The following MDN1 variants were observed in gnomAD, a reference collection of about 807,000 sequenced individuals.
MDN1 encodes the protein midasin AAA ATPase 1, also known as midasin.
A neutral mutation model predicts 669.2 loss-of-function variants in MDN1; 266 were observed. The ratio of observed to expected loss-of-function variants is 0.40; its 90% CI spans 0.36 to 0.44. The LOEUF is 0.44. Among genes scored for constraint, MDN1 ranks in the 20% least tolerant of loss-of-function variants. The pLI is 1.00. For synonymous variants in MDN1, 2,385 were observed against 2,457.1 expected, an observed-to-expected ratio of 0.97 and a Z score of 0.87; for missense variants, 5,940 against 6,754.0, an observed-to-expected ratio of 0.88 and a Z score of 4.22.
intron 63 of MDN1, among the ~76,000 whole-genome samples, chr6:89,691,560 C>T (rs1019878737): frequency 6.0e-5 from 9 of 150,578 alleles, no homozygotes; most frequent in Non-Finnish European, 1.0e-4. Context: ...GTTTTTTTGG[C>T]AAAACAGTAA....
rs756061151 is a variant in MDN1 at position 89,643,861 on chromosome 6, G to C, written c.*144C>G. 12 of 725,404 alleles carry C rather than the reference G, an allele frequency of 1.7e-5. No individual in the cohort carries two copies. Among genetic ancestry groups the C allele is most frequent in the Non-Finnish European group, 2.5e-5 (12 of 479,732 alleles). The allele number at this position is 725,404 out of a possible 1,614,324, so 44.9% of individuals were successfully genotyped here. ...AGCCCAGGCAAAGCCGGGAGCCAGA[G>C]AGCATTCTGTAGGCTGTAAGATCAC... On this transcript the variant is annotated 3_prime_UTR_variant, in exon 102 of 102. Transcript: ENST00000369393.
At chr6:89,703,359 T>G (rs2128310352) in intron 53 of MDN1, among the ~76,000 whole-genome samples, 1 of 123,114 alleles carries the variant, frequency 8.1e-6, no homozygotes. Flanking sequence ...TAACTGACCA[T>G]GTATGGGGAA....
chr6:89,657,189 T>C (rs894484177), intron 90 of MDN1, among the ~76,000 whole-genome samples: 2 of 152,174 alleles, frequency 1.3e-5, no homozygotes, highest in African/African-American at 2.4e-5. Flanking sequence ...ATGAAGAAAA[T>C]AGTACAATAT....
At position 89,803,574 on chromosome 6, in the gene MDN1, A is replaced by T; in HGVS notation, c.103-20T>A. On this transcript the variant is annotated intron_variant, in intron 1 of 101. Coordinates refer to ENST00000369393, the MANE Select transcript of MDN1 (RefSeq NM_014611.3). ...CCACACCTGAGAAAGGCAAAACAAAACATCTTTCACTTTTTTTTTTTTTTT... is the reference window on the plus strand; with the variant it reads ...CCACACCTGAGAAAGGCAAAACAAATCATCTTTCACTTTTTTTTTTTTTTT... 6.5e-7 allele frequency: 1 copy of T among 1,545,014 alleles called. No individual in the cohort carries two copies. The highest frequency in any genetic ancestry group is 8.9e-7 in the Non-Finnish European group (1 of 1,128,512).
chr6:89,781,312 C>T (rs1367170069), intron 10 of MDN1, 87 bp downstream of exon 10: 1 of 1,353,108 alleles, frequency 7.4e-7, no homozygotes, highest in Non-Finnish European at 1.0e-6. Flanking sequence ...AACTGCACCA[C>T]TGCACTCCAG....
Position 89,757,260 on chromosome 6 carries a change from T to C in MDN1, c.2703-870A>G, listed in dbSNP as rs551574634. Among the ~76,000 whole-genome samples, 4 of 152,332 alleles carry C rather than the reference T, an allele frequency of 2.6e-5. No homozygotes were observed. The South Asian group carries it at 6.2e-4, about 24-fold the overall frequency. ...CCAACAACTAAGTACCTTGTTCATG[T>C]CAGTGCTTAGTGGCGAAAAATAAAA... is the stretch of plus-strand genomic sequence containing the variant. On this transcript the variant is annotated intron_variant, in intron 19 of 101. Transcript: ENST00000369393.
At chr6:89,650,690 C>G (rs953204938) in intron 96 of MDN1, 42 bp downstream of exon 96, 4 of 1,469,428 alleles carry the variant, frequency 2.7e-6, no homozygotes, top group Non-Finnish European at 3.8e-6. Context: ...AAGCTGCCGT[C>G]TTCTCAGGGC....
chr6:89,698,779 T>A, intron 59 of MDN1, 86 bp downstream of exon 59: 1 of 1,384,648 alleles, frequency 7.2e-7, no homozygotes, highest in Non-Finnish European at 1.0e-6. Context: ...CACCACTCTA[T>A]GCTAGGAATA....
At position 89,749,606 on chromosome 6, in the gene MDN1, T is replaced by A. The variant is rs370784415; in HGVS notation, c.3552A>T (p.Lys1184Asn). The A allele has an allele frequency of 1.2e-6, 2 of 1,614,084 alleles. No individual in the cohort carries two copies. Among genetic ancestry groups the A allele is most frequent in the African/African-American group, 2.7e-5 (2 of 74,946 alleles). The part of the protein sequence containing the change: ...LLVTETQEVV[K>N]AHPRFMLFAT... The stretch of plus-strand genomic sequence containing the variant: ...CAAAAAGCATAAACCGAGGGTGTGC[T>A]TTAACAACTTCCTGTGTTTCTGTTA... Residue 1184 changes from lysine (K) to asparagine (N), a missense_variant, in exon 25 of 102, where the codon AAA (lysine) becomes AAT (asparagine). Around this residue, in one of 5 missense-constraint regions of MDN1, gnomAD observed 2,292 missense variants for 2,638.3 expected, o/e 0.87. Transcript: ENST00000369393.
intron 1 of MDN1, among the ~76,000 whole-genome samples, chr6:89,808,415 A>AAAT (rs1768153784): frequency 2.0e-5 from 3 of 152,192 alleles, no homozygotes; most frequent in African/African-American, 7.2e-5. Flanking sequence ...ATTTAGCCCT[A>AAAT]GAGTGTGGCC....
At chr6:89,701,707 A>G (rs1163104368) in intron 54 of MDN1, 29 bp from the exon 55 acceptor site, 1 of 1,602,834 alleles carries the variant, frequency 6.2e-7, no homozygotes, top group Non-Finnish European at 8.5e-7. Context: ...GCACAGGGGA[A>G]ATAAGGAAAG....
At chr6:89,786,951 A>G (rs916561975) in intron 8 of MDN1, among the ~76,000 whole-genome samples, 10 of 150,756 alleles carry the variant, frequency 6.6e-5, no homozygotes, top group African/African-American at 2.4e-4. Context: ...AAAAAAAGTA[A>G]CAGGGTCAGC....
intron 76 of MDN1, 32 bp from the exon 77 acceptor site, chr6:89,676,239 T>A (rs767780098): frequency 1.3e-6 from 2 of 1,589,586 alleles, no homozygotes; most frequent in Non-Finnish European, 1.7e-6. Flanking sequence ...TTTACTTAAT[T>A]AAAACCACGC....
chr6:89,727,227 C>T (rs573545173), intron 37 of MDN1, among the ~76,000 whole-genome samples: 44 of 152,292 alleles, frequency 2.9e-4, no homozygotes, highest in African/African-American at 1.0e-3. Context: ...CTGTTGCAGC[C>T]TGTGTCCAAA....
chr6:89,647,413 C>T (rs1808559240), intron 99 of MDN1, among the ~76,000 whole-genome samples: 1 of 152,120 alleles, frequency 6.6e-6, no homozygotes, highest in Non-Finnish European at 1.5e-5. Flanking sequence ...CTTCTCTAAG[C>T]TTAATGAGGG....
intron 36 of MDN1, 57 bp downstream of exon 36, chr6:89,728,874 G>A: frequency 2.7e-6 from 4 of 1,507,982 alleles, no homozygotes; most frequent in Non-Finnish European, 2.7e-6. Context: ...AATATAAATT[G>A]ACACAGACAT....
intron 58 of MDN1, 118 bp from the exon 59 acceptor site, chr6:89,699,153 A>G (rs1342217224): frequency 2.1e-6 from 2 of 951,750 alleles, no homozygotes; most frequent in South Asian, 1.9e-5. Context: ...TATTAATCCA[A>G]ATTTTTCCGT....
chr6:89,734,691 A>AACGAG (rs1554188774), intron 33 of MDN1, among the ~76,000 whole-genome samples: 38 of 112,992 alleles, frequency 3.4e-4, no homozygotes, highest in Non-Finnish European at 4.5e-4. Flanking sequence ...AAAAAAAAAC[A>AACGAG]AGAGAGAGAG....
intron 86 of MDN1, 25 bp downstream of exon 86, chr6:89,662,767 G>A: frequency 6.2e-7 from 1 of 1,611,960 alleles, no homozygotes; most frequent in South Asian, 1.1e-5. Flanking sequence ...CAGCTTGTTT[G>A]GGAGGGGAGA....
Sources: gnomAD v4.1 joint callset for allele counts (sites outside exome capture counted in the v4.1 genomes callset) on GRCh38, gnomAD v4.1.1 for gene constraint, gnomAD v4.1.1 regional missense constraint, MANE v1.5 for transcripts, NCBI Gene and HGNC (gene_info 2026-07-23, HGNC 2026-07-21) for gene names.